Variants in RIMS2 observed in about 807,000 individuals in gnomAD.
RIMS2 encodes regulating synaptic membrane exocytosis protein 2.
RIMS2 carries 59 observed loss-of-function variants against 174.4 expected under a neutral mutation model. That is an observed-to-expected ratio of 0.34 (90% CI 0.27 to 0.42). The LOEUF (loss-of-function observed/expected upper bound fraction) is 0.42, where lower values mean the gene tolerates loss of function less well. Ranked by LOEUF, RIMS2 falls within the 10% of genes least tolerant of loss-of-function variation. RIMS2 has a pLI of 1.00. For synonymous variants in RIMS2, 606 were observed against 572.5 expected, an observed-to-expected ratio of 1.06 and a Z score of -0.84; for missense variants, 1,620 against 1,666.3, an observed-to-expected ratio of 0.97 and a Z score of 0.48.
chr8:103,932,375 G>T (rs1019588269), intron 12 of RIMS2, among the ~76,000 whole-genome samples: 1 of 152,122 alleles, frequency 6.6e-6, no homozygotes, highest in African/African-American at 2.4e-5. Context: ...ATGAACAAAG[G>T]CTTTGCATTT....
intron 19 of RIMS2, among the ~76,000 whole-genome samples, chr8:104,021,796 G>A (rs1385216480): frequency 6.7e-6 from 1 of 149,070 alleles, no homozygotes; most frequent in Admixed American, 6.6e-5. Flanking sequence ...CATTAAGACA[G>A]TGGTACTGCA....
chr8:103,679,711 C>G, intron 1 of RIMS2, among the ~76,000 whole-genome samples: 1 of 151,492 alleles, frequency 6.6e-6, no homozygotes, highest in East Asian at 1.9e-4. Flanking sequence ...GAAGATATAC[C>G]TGAAAAATTT....
chr8:103,853,192 T>C (rs1187209926), intron 3 of RIMS2, among the ~76,000 whole-genome samples: 3 of 152,160 alleles, frequency 2.0e-5, no homozygotes, highest in Non-Finnish European at 4.4e-5. Context: ...GCTGAGCATT[T>C]TTTTTGTATG....
chr8:103,601,904 TAAAC>T (rs893750029), intron 1 of RIMS2, among the ~76,000 whole-genome samples: 13 of 152,198 alleles, frequency 8.5e-5, no homozygotes, highest in African/African-American at 2.4e-4. Flanking sequence ...ACTGATAGCA[TAAAC>T]AAACAAACTT....
At chr8:103,675,317 C>T (rs1375613881) in intron 1 of RIMS2, among the ~76,000 whole-genome samples, 1 of 152,182 alleles carries the variant, frequency 6.6e-6, no homozygotes, top group Non-Finnish European at 1.5e-5. Context: ...CAGGGCCCAT[C>T]TGGGTCCTGA....
intron 3 of RIMS2, among the ~76,000 whole-genome samples, chr8:103,819,868 T>A (rs1431607223): frequency 1.3e-5 from 2 of 152,146 alleles, no homozygotes; most frequent in Non-Finnish European, 2.9e-5. Flanking sequence ...AATACAGATA[T>A]CAGGCTGTTT....
intron 19 of RIMS2, among the ~76,000 whole-genome samples, chr8:104,105,490 T>A (rs1046370655): frequency 6.6e-6 from 1 of 152,170 alleles, no homozygotes. Context: ...TTCAGGGTGA[T>A]CATTTCTACT....
chr8:104,111,490 C>T (rs996887045), intron 19 of RIMS2, among the ~76,000 whole-genome samples: 4 of 152,158 alleles, frequency 2.6e-5, no homozygotes, highest in African/African-American at 9.7e-5. Flanking sequence ...TCACTGCAAC[C>T]TCTGCCTCAC....
chr8:104,021,525 C>T (rs970049326), intron 19 of RIMS2, among the ~76,000 whole-genome samples: 3 of 152,134 alleles, frequency 2.0e-5, no homozygotes, highest in Admixed American at 6.5e-5. Flanking sequence ...GTTTTGAGAA[C>T]ATTTAATGCC....
At chr8:103,834,724 CTTT>C (rs2098853027) in intron 3 of RIMS2, among the ~76,000 whole-genome samples, 1 of 112,082 alleles carries the variant, frequency 8.9e-6, no homozygotes, top group Non-Finnish European at 1.8e-5. Flanking sequence ...TTCTTTCTTT[CTTT>C]CTTTCTTTCT....
In RIMS2 at chr8:104,117,989, A is replaced by G. The variant is rs191509588; in HGVS notation, c.3334+103374A>G. 5.9e-3 allele frequency among the ~76,000 whole-genome samples: 897 copies of G among 152,306 alleles called. 4 individuals are homozygous for G. Among genetic ancestry groups the G allele is most frequent in the African/African-American group, 0.02 (845 of 41,566 alleles). On this transcript the variant is annotated intron_variant, in intron 19 of 23. Coordinates refer to ENST00000504942, the Ensembl canonical transcript of RIMS2. The stretch of plus-strand genomic sequence containing the variant: ...CAGATTGTTTAGAATCATATCAAGA[A>G]CTTAAATAGAACTGGACAACAGTTC...
chr8:103,567,045 G>A (rs897232312), intron 1 of RIMS2, among the ~76,000 whole-genome samples: 1 of 151,918 alleles, frequency 6.6e-6, no homozygotes, highest in Non-Finnish European at 1.5e-5. Flanking sequence ...CTATGGATTT[G>A]CCTGTTCTGG....
chr8:104,180,872 T>C (rs908134972), intron 19 of RIMS2, among the ~76,000 whole-genome samples: 2 of 151,798 alleles, frequency 1.3e-5, no homozygotes, highest in African/African-American at 4.8e-5. Context: ...AGGGCTTTTA[T>C]GCCTGTAGCT....
At chr8:103,911,272 C>T (rs1372522670) in intron 5 of RIMS2, among the ~76,000 whole-genome samples, 1 of 152,052 alleles carries the variant, frequency 6.6e-6, no homozygotes, top group Admixed American at 6.6e-5. Context: ...TAACAGAATA[C>T]TGTCATTATT....
intron 3 of RIMS2, among the ~76,000 whole-genome samples, chr8:103,785,484 T>A (rs919977909): frequency 3.1e-4 from 47 of 152,272 alleles, no homozygotes; most frequent in African/African-American, 9.6e-4. Flanking sequence ...CATGAAGGGT[T>A]GTTGAATTTT....
chr8:103,503,331 A>G (rs1563554461), intron 1 of RIMS2, among the ~76,000 whole-genome samples: 1 of 151,960 alleles, frequency 6.6e-6, no homozygotes, highest in South Asian at 2.1e-4. Flanking sequence ...AGGAAATGAA[A>G]TGAATAGACT....
chr8:104,148,518 A>G lies in RIMS2; in HGVS notation c.3335-96398A>G, dbSNP rs541427315. The G allele has an allele frequency of 3.0e-5, 35 of 1,177,768 alleles. No individual in the cohort carries two copies. The South Asian group carries it at 5.5e-4, about 19-fold the overall frequency. The allele number at this position is 1,177,768 out of a possible 1,614,324, so 73.0% of individuals were successfully genotyped here. Reference sequence around the variant, plus strand: ...TATATTCCATAGATGATATAATTTAATTATACTCCAAATGTTTTATCTAAA... The same window carrying G: ...TATATTCCATAGATGATATAATTTAGTTATACTCCAAATGTTTTATCTAAA... On this transcript the variant is annotated intron_variant, in intron 19 of 23. Transcript: ENST00000504942.
At chr8:103,833,308 G>A (rs1521060) in intron 3 of RIMS2, among the ~76,000 whole-genome samples, 1 of 151,794 alleles carries the variant, frequency 6.6e-6, no homozygotes. Context: ...TATCTTCTGT[G>A]TATAATAGTC....
chr8:103,763,204 G>C (rs207469614), intron 2 of RIMS2, among the ~76,000 whole-genome samples: 1 of 152,150 alleles, frequency 6.6e-6, no homozygotes, highest in Non-Finnish European at 1.5e-5. Context: ...TTGGAAGGCT[G>C]AAGTGGGCAG....
Sources: gnomAD v4.1 joint callset for allele counts (sites outside exome capture counted in the v4.1 genomes callset) on GRCh38, gnomAD v4.1.1 for gene constraint, MANE v1.5 for transcripts, NCBI Gene and HGNC (gene_info 2026-07-23, HGNC 2026-07-21) for gene names.